Variants in KCNQ3 observed in about 807,000 individuals in gnomAD.
KCNQ3 encodes potassium voltage-gated channel subfamily Q member 3, also known as potassium voltage-gated channel subfamily KQT member 3.
A neutral mutation model predicts 92.5 loss-of-function variants in KCNQ3; 30 were observed. The observed-to-expected ratio is 0.32, with a 90% CI of 0.24 to 0.44. KCNQ3 has a LOEUF of 0.44. KCNQ3 is among the 20% of genes least tolerant of loss of function. The probability of loss-of-function intolerance (pLI) is 1.00; values close to 1 mark genes in which losing one functional copy is unlikely to be tolerated. For missense variants in KCNQ3, 913 were observed against 1,140.3 expected (o/e 0.80, Z 2.87); for synonymous variants, 450 against 468.8 (o/e 0.96, Z 0.52).
At chr8:132,345,004 C>T (rs1024970472) in intron 1 of KCNQ3, among the ~76,000 whole-genome samples, 1 of 152,134 alleles carries the variant, frequency 6.6e-6, no homozygotes, top group Non-Finnish European at 1.5e-5. Context: ...TCCATGTGAT[C>T]AATGGTACAG....
intron 1 of KCNQ3, among the ~76,000 whole-genome samples, chr8:132,401,034 A>AG (rs1399012811): frequency 5.9e-4 from 90 of 152,296 alleles, no homozygotes; most frequent in Admixed American, 3.8e-3. Flanking sequence ...ACTTAGTTTC[A>AG]CAAAACAAGA....
chr8:132,428,056 G>C (rs143235147), intron 1 of KCNQ3, among the ~76,000 whole-genome samples: 19 of 152,104 alleles, frequency 1.2e-4, no homozygotes, highest in African/African-American at 4.6e-4. Flanking sequence ...CTCTGATTCT[G>C]ATTATGTATA....
chr8:132,148,338 C>T (rs746981291), intron 9 of KCNQ3, among the ~76,000 whole-genome samples: 4 of 152,044 alleles, frequency 2.6e-5, no homozygotes, highest in East Asian at 1.9e-4. Flanking sequence ...TAGGTTCAAG[C>T]GATTCTACTG....
intron 1 of KCNQ3, among the ~76,000 whole-genome samples, chr8:132,450,839 C>T (rs534475670): frequency 2.9e-4 from 44 of 152,206 alleles, no homozygotes; most frequent in African/African-American, 1.0e-3. Context: ...CTTCAATGGA[C>T]GACTGGGGCA....
chr8:132,149,502 T>C (rs1825568832), intron 9 of KCNQ3, among the ~76,000 whole-genome samples: 1 of 152,204 alleles, frequency 6.6e-6, no homozygotes, highest in Admixed American at 6.5e-5. Context: ...ATTTTTTTGG[T>C]GCCCAGAACA....
chr8:132,348,928 C>G (rs926970863), intron 1 of KCNQ3, among the ~76,000 whole-genome samples: 11 of 152,166 alleles, frequency 7.2e-5, no homozygotes, highest in Non-Finnish European at 1.5e-5. Flanking sequence ...AGATAGTCTC[C>G]CACCTGTACC....
intron 1 of KCNQ3, among the ~76,000 whole-genome samples, chr8:132,464,059 C>T (rs1822119017): frequency 1.3e-5 from 2 of 152,296 alleles, no homozygotes; most frequent in Non-Finnish European, 1.5e-5. Flanking sequence ...GTGGCGGGCG[C>T]CTGTAATCCC....
intron 1 of KCNQ3, among the ~76,000 whole-genome samples, chr8:132,298,312 G>C (rs1287736576): frequency 6.6e-6 from 1 of 152,188 alleles, no homozygotes; most frequent in Non-Finnish European, 1.5e-5. Flanking sequence ...CTATACTCCT[G>C]TTTGAGAGAA....
chr8:132,261,385 G>A (rs1246968036), intron 1 of KCNQ3, among the ~76,000 whole-genome samples: 5 of 152,324 alleles, frequency 3.3e-5, no homozygotes, highest in Non-Finnish European at 7.3e-5. Context: ...GAGCTTGCAG[G>A]ATTCCACTCA....
At chr8:132,306,279 C>T (rs184890846) in intron 1 of KCNQ3, among the ~76,000 whole-genome samples, 1 of 152,272 alleles carries the variant, frequency 6.6e-6, no homozygotes, top group African/African-American at 2.4e-5. Flanking sequence ...TCTCTCTCTC[C>T]CAATCCTGGT....
chr8:132,136,118 C>CAAAAAAAAAAAAA (rs67331428), intron 12 of KCNQ3, among the ~76,000 whole-genome samples: 9 of 40,014 alleles, frequency 2.2e-4, no homozygotes, highest in Admixed American at 5.1e-4. Flanking sequence ...GACTCCATCT[C>CAAAAAAAAAAAAA]AAAAAAAAAA....
At chr8:132,251,607 A>G (rs943081597) in intron 1 of KCNQ3, among the ~76,000 whole-genome samples, 2 of 152,194 alleles carry the variant, frequency 1.3e-5, no homozygotes, top group African/African-American at 4.8e-5. Flanking sequence ...CCACCTGCAG[A>G]GAAAGTGTGT....
chr8:132,228,949 T>G (rs1814531590), intron 1 of KCNQ3, among the ~76,000 whole-genome samples: 1 of 152,062 alleles, frequency 6.6e-6, no homozygotes, highest in Non-Finnish European at 1.5e-5. Context: ...GGATCACATT[T>G]GTGTATCATA....
At chr8:132,463,899 G>A (rs796270139) in intron 1 of KCNQ3, among the ~76,000 whole-genome samples, 39 of 152,244 alleles carry the variant, frequency 2.6e-4, no homozygotes, top group African/African-American at 8.7e-4. Context: ...CGCAACCTCC[G>A]CCTCCCGGGT....
At chr8:132,388,008 G>GGAAGAGGAAGAGGAAGAAGAA (rs563972206) in intron 1 of KCNQ3, among the ~76,000 whole-genome samples, 2 of 140,362 alleles carry the variant, frequency 1.4e-5, no homozygotes, top group Non-Finnish European at 3.1e-5. Context: ...AAGAAGAAGA[G>GGAAGAGGAAGAGGAAGAAGAA]GAAGAGGAAG....
chr8:132,391,052 G>A (rs2130770171), intron 1 of KCNQ3, among the ~76,000 whole-genome samples: 1 of 152,288 alleles, frequency 6.6e-6, no homozygotes, highest in Middle Eastern at 3.4e-3. Context: ...AGAATCTGCT[G>A]GAATAAGTGG....
rs1054886675 is a variant in KCNQ3 at position 132,170,254 on chromosome 8, C to T, written c.1235+80G>A. 82 of 1,008,606 alleles carry T rather than the reference C, an allele frequency of 8.1e-5. 1 individual carries two copies. In the African/African-American group the frequency reaches 1.0e-3, roughly 13 times the overall value. The allele number at this position is 1,008,606 out of a possible 1,614,324, so 62.5% of individuals were successfully genotyped here. A position where few individuals can be genotyped will look rare whatever the true frequency, so the allele number is the denominator to read the frequency against. On this transcript the variant is annotated intron_variant, in intron 8 of 14. Coordinates refer to ENST00000388996, the MANE Select transcript of KCNQ3 (RefSeq NM_004519.4). The stretch of plus-strand genomic sequence containing the variant: ...CCCTGAAGAGTGTTCTCCAGGGACC[C>T]GTGAGGCCACAGACACGAATACAGA...
In KCNQ3 at chr8:132,179,723, G is replaced by A. The variant is rs147215467; in HGVS notation, c.777+434C>T. Among the ~76,000 whole-genome samples, 652 of 152,124 alleles carry A rather than the reference G, an allele frequency of 4.3e-3. 5 individuals are homozygous for A. Among genetic ancestry groups the A allele is most frequent in the African/African-American group, 0.015 (614 of 41,478 alleles). On this transcript the variant is annotated intron_variant, in intron 4 of 14. Coordinates refer to ENST00000388996, the MANE Select transcript of KCNQ3 (RefSeq NM_004519.4). ...AACCAAGACGCAAAAAATTCCCAAC[G>A]TCACAGAGGCAGAGTTCAGATTCAA...
At chr8:132,402,672 A>G (rs1430683754) in intron 1 of KCNQ3, among the ~76,000 whole-genome samples, 1 of 152,166 alleles carries the variant, frequency 6.6e-6, no homozygotes. Flanking sequence ...AAACCCAGAG[A>G]ATTGTACAAT....
Sources: allele counts gnomAD v4.1 joint callset (sites outside exome capture counted in the v4.1 genomes callset), GRCh38; gene constraint gnomAD v4.1.1; transcripts MANE v1.5; gene names NCBI Gene and HGNC (gene_info 2026-07-23, HGNC 2026-07-21).